Variants in MYO1E observed in about 807,000 individuals in gnomAD.
MYO1E encodes unconventional myosin-Ie.
In MYO1E, 68 loss-of-function variants were observed where a neutral mutation model predicts 151.1. The observed-to-expected ratio is 0.45, with a 90% CI of 0.37 to 0.55. The LOEUF is 0.55. MYO1E is among the 20% of genes least tolerant of loss of function. MYO1E has a pLI of 0.00. For missense variants in MYO1E, 1,363 were observed against 1,389.3 expected (o/e 0.98, Z 0.30); for synonymous variants, 601 against 501.7 (o/e 1.20, Z -2.64).
intron 4 of MYO1E, among the ~76,000 whole-genome samples, chr15:59,255,259 C>A (rs1367075268): frequency 6.6e-6 from 1 of 151,988 alleles, no homozygotes; most frequent in African/African-American, 2.4e-5. Flanking sequence ...GGACTACAGA[C>A]AAATGACACC....
intron 1 of MYO1E, among the ~76,000 whole-genome samples, chr15:59,354,387 G>A (rs1347532038): frequency 6.6e-6 from 1 of 152,114 alleles, no homozygotes; most frequent in African/African-American, 2.4e-5. Context: ...CTGAAAGTCC[G>A]TATCACCTAA....
In MYO1E at chr15:59,231,786, C is replaced by T. The variant is rs2080029774; in HGVS notation, c.426G>A (p.Val142=). ...GGTTGGACTGCAGGATAATGTCCTT[C>T]ACGTGCTGTCCCAGCAAATAGACCG... is the stretch of plus-strand genomic sequence containing the variant. ...VSGGGTKVQH[V]KDIILQSNPL... is the part of the protein sequence containing the mutation. The change falls in exon 6 of 28, where the codon GTG becomes GTA. Residue 142 remains valine (V), a synonymous_variant. Coordinates refer to ENST00000288235, the MANE Select transcript of MYO1E (RefSeq NM_004998.4). 3.1e-6 allele frequency: 5 copies of T among 1,614,130 alleles called. No individual in the cohort carries two copies. Among genetic ancestry groups the T allele is most frequent in the Non-Finnish European group, 4.2e-6 (5 of 1,179,986 alleles).
At chr15:59,268,720 A>T (rs111605253) in intron 2 of MYO1E, among the ~76,000 whole-genome samples, 2,303 of 44,772 alleles carry the variant, frequency 0.051, 112 homozygotes, top group East Asian at 0.12. Flanking sequence ...TGACTTTGGT[A>T]TTTTTTTTTT....
In MYO1E at chr15:59,298,238, GGT is replaced by G. The variant is rs2080462401; in HGVS notation, c.4-25791_4-25790del. ...TTTACATTTACAAATCTAGTTATTTGGTACCCTGGGGGAATGTATTAAACTCC... is the reference window on the plus strand; with the variant it reads ...TTTACATTTACAAATCTAGTTATTTGACCCTGGGGGAATGTATTAAACTCC... On this transcript the variant is annotated intron_variant, in intron 1 of 27. Transcript: ENST00000288235. 2.6e-5 allele frequency among the ~76,000 whole-genome samples: 4 copies of G among 152,268 alleles called. No individual in the cohort carries two copies. The South Asian group carries it at 8.3e-4, about 32-fold the overall frequency.
At chr15:59,188,907 A>C (rs1181951461) in intron 17 of MYO1E, among the ~76,000 whole-genome samples, 2 of 152,196 alleles carry the variant, frequency 1.3e-5, no homozygotes, top group Admixed American at 6.5e-5. Context: ...TATTGAACTT[A>C]AATTTTAATA....
intron 1 of MYO1E, among the ~76,000 whole-genome samples, chr15:59,359,357 C>G (rs12438936): frequency 6.7e-6 from 1 of 148,432 alleles, no homozygotes; most frequent in Admixed American, 6.7e-5. Flanking sequence ...GGCATGGCAG[C>G]TCATGCCTGT....
At chr15:59,228,631 A>T (rs1313207273) in intron 6 of MYO1E, among the ~76,000 whole-genome samples, 1 of 151,958 alleles carries the variant, frequency 6.6e-6, no homozygotes. Context: ...AAGGGTAAAT[A>T]CGGATAAAGG....
chr15:59,300,898 T>A (rs1430570999), intron 1 of MYO1E, among the ~76,000 whole-genome samples: 1 of 149,200 alleles, frequency 6.7e-6, no homozygotes, highest in Non-Finnish European at 1.5e-5. Context: ...GACAGAGTAT[T>A]GCTCTGTTGC....
Position 59,173,836 on chromosome 15 carries a change from C to T in MYO1E, c.2244G>A (p.Met748Ile), listed in dbSNP as rs753299901. 1 of 1,614,092 alleles carries T rather than the reference C, an allele frequency of 6.2e-7. No individual in the cohort carries two copies. Among genetic ancestry groups the T allele is most frequent in the South Asian group, 1.1e-5 (1 of 91,072 alleles). The part of the protein sequence containing the change: ...NRNFIGDYIG[M>I]EEHPELQQFV... ...ACTGCTGGAGTTCTGGGTGCTCTTC[C>T]ATCCCAATATAATCCCCTATAAAGT... The change falls in exon 21 of 28, where the codon ATG becomes ATA. Residue 748 changes from methionine (M) to isoleucine (I), a missense_variant. Met to Ile is a conservative substitution (Grantham distance 10). Transcript: ENST00000288235.
chr15:59,182,177 C>A (rs1447206182), intron 18 of MYO1E, among the ~76,000 whole-genome samples: 1 of 152,086 alleles, frequency 6.6e-6, no homozygotes, highest in East Asian at 1.9e-4. Flanking sequence ...AAAATAATTT[C>A]TTTCCAAACT....
intron 6 of MYO1E, among the ~76,000 whole-genome samples, chr15:59,230,210 GAGAC>G (rs1566986308): frequency 8.3e-6 from 1 of 119,848 alleles, no homozygotes; most frequent in African/African-American, 3.0e-5. Flanking sequence ...GAGAGAGAGA[GAGAC>G]AGTGTGTGTT....
rs71977305 is a variant in MYO1E at position 59,196,986 on chromosome 15, C to CTTTTTTTTTTTTTTTTTTTTTTTT, written c.1699-1443_1699-1420dup. ...ATTTTAGTTTTGTATTTAATTACGA[C>CTTTTTTTTTTTTTTTTTTTTTTTT]TTTTTTTTTTTTTTTTTTTTTTTTG... On this transcript the variant is annotated intron_variant, in intron 16 of 27. Transcript: ENST00000288235. Among the ~76,000 whole-genome samples the CTTTTTTTTTTTTTTTTTTTTTTTT allele has an allele frequency of 9.8e-5, 7 of 71,512 alleles. 1 individual carries two copies. Among genetic ancestry groups the CTTTTTTTTTTTTTTTTTTTTTTTT allele is most frequent in the Admixed American group, 2.5e-4 (1 of 3,922 alleles). 46.9% of individuals were successfully genotyped at this position (71,512 alleles called of 152,430 possible). A position where few individuals can be genotyped will look rare whatever the true frequency, so the allele number is the denominator to read the frequency against.
chr15:59,163,278 G>A lies in MYO1E; in HGVS notation c.2506C>T (p.Leu836Phe), dbSNP rs770556968. 1 of 1,613,660 alleles carries A rather than the reference G, an allele frequency of 6.2e-7. No individual in the cohort carries two copies. Among genetic ancestry groups the A allele is most frequent in the Non-Finnish European group, 8.5e-7 (1 of 1,179,674 alleles). Residue 836 changes from leucine to phenylalanine, a missense_variant, in exon 23 of 28, where the codon CTC (leucine) becomes TTC (phenylalanine). By Grantham distance (22) the Leu-to-Phe change is conservative. Transcript: ENST00000288235. ...AAACTGTCATACTCTTGCTCATGGA[G>A]AATAAAAATGTCATCCTGCATAGTA... ...LSTMQDDIFI[L>F]HEQEYDSLLE...
chr15:59,362,519 C>G (rs1278375116), intron 1 of MYO1E, among the ~76,000 whole-genome samples: 1 of 152,202 alleles, frequency 6.6e-6, no homozygotes, highest in African/African-American at 2.4e-5. Context: ...CTCTGATAAT[C>G]TGATGTGGAG....
At chr15:59,227,722 AG>A (rs2080000641) in intron 6 of MYO1E, 132 bp from the exon 7 acceptor site, 1 of 1,244,024 alleles carries the variant, frequency 8.0e-7, no homozygotes, top group African/African-American at 1.5e-5. Flanking sequence ...TCCTAATTTG[AG>A]TCTAGACTTC....
Position 59,174,238 on chromosome 15 carries a change from T to C in MYO1E, c.2052A>G (p.Leu684=), listed in dbSNP as rs769005891. ...TCTCTCTCATCTCTTCTAAAAGAAA[T>C]AGCTGTGAATGGAGAGAAGACAAAT... is the stretch of plus-strand genomic sequence containing the variant. ...SKVFIKAPES[L]FLLEEMRERK... is the part of the protein sequence containing the mutation. Residue 684 remains leucine, a splice_region_variant and synonymous_variant, in exon 20 of 28, where the codon CTA becomes CTG. Transcript: ENST00000288235. 1 of 1,603,028 alleles carries C rather than the reference T, an allele frequency of 6.2e-7. No individual in the cohort carries two copies. Among genetic ancestry groups the C allele is most frequent in the Non-Finnish European group, 8.5e-7 (1 of 1,170,108 alleles).
intron 16 of MYO1E, among the ~76,000 whole-genome samples, chr15:59,198,174 A>G (rs894312059): frequency 2.0e-5 from 3 of 152,222 alleles, no homozygotes; most frequent in Admixed American, 6.5e-5. Flanking sequence ...CCTTGGGTCA[A>G]CTTAAGATGT....
intron 18 of MYO1E, among the ~76,000 whole-genome samples, chr15:59,180,544 CTT>C (rs796277432): frequency 6.9e-5 from 10 of 144,238 alleles, no homozygotes; most frequent in South Asian, 2.2e-4. Context: ...CTGCGTTTCT[CTT>C]TTTTTTTTTT....
chr15:59,346,955 AAG>A (rs2080797535), intron 1 of MYO1E, among the ~76,000 whole-genome samples: 1 of 152,102 alleles, frequency 6.6e-6, no homozygotes, highest in Non-Finnish European at 1.5e-5. Flanking sequence ...GAATTGTGTA[AAG>A]AAAAGCATAA....
Sources: allele counts gnomAD v4.1 joint callset (sites outside exome capture counted in the v4.1 genomes callset), GRCh38; gene constraint gnomAD v4.1.1; transcripts MANE v1.5; gene names NCBI Gene and HGNC (gene_info 2026-07-23, HGNC 2026-07-21).